FGFR2: variants seen among roughly 807,000 people sequenced by gnomAD.
The protein encoded by FGFR2 is BEK fibroblast growth factor receptor.
FGFR2 carries 19 observed loss-of-function variants against 95.9 expected under a neutral mutation model. The ratio of observed to expected loss-of-function variants is 0.20; its 90% CI spans 0.14 to 0.29. The LOEUF is 0.29. FGFR2 is among the 10% of genes least tolerant of loss of function. The probability of loss-of-function intolerance (pLI) is 1.00; values close to 1 mark genes in which losing one functional copy is unlikely to be tolerated. For missense variants in FGFR2, 707 were observed against 1,056.9 expected (o/e 0.67, Z 4.59); for synonymous variants, 392 against 393.3 (o/e 1.00, Z 0.04).
At chr10:121,597,796 C>A (rs763162095) in intron 1 of FGFR2, among the ~76,000 whole-genome samples, 166 bp downstream of exon 1, 1 of 152,216 alleles carries the variant, frequency 6.6e-6, no homozygotes, top group Non-Finnish European at 1.5e-5. Context: ...GCACCCACCT[C>A]CCCCATCACC....
chr10:121,594,124 G>A (rs1863095697), intron 1 of FGFR2, 157 bp from the exon 2 acceptor site: 1 of 516,560 alleles, frequency 1.9e-6, no homozygotes. Context: ...CAGAGTCCCA[G>A]GTGATACCAC....
At chr10:121,481,782 A>G in intron 17 of FGFR2, 1 of 224,672 alleles carries the variant, frequency 4.5e-6, no homozygotes, top group East Asian at 6.7e-5. Context: ...GAGCATAGAC[A>G]TGAGATCATT....
intron 2 of FGFR2, among the ~76,000 whole-genome samples, chr10:121,592,423 G>C (rs571724720): frequency 6.6e-6 from 1 of 152,216 alleles, no homozygotes; most frequent in East Asian, 1.9e-4. Flanking sequence ...TCCCAGAGAC[G>C]CAGGGAGATG....
intron 7 of FGFR2, among the ~76,000 whole-genome samples, chr10:121,519,054 T>C (rs975423553): frequency 5.9e-5 from 9 of 152,302 alleles, no homozygotes; most frequent in Admixed American, 5.2e-4. Flanking sequence ...ACTGGATAGG[T>C]CGGGTGGGTC....
At chr10:121,515,343 G>A (rs1379578865) in intron 8 of FGFR2, 24 bp from the exon 9 acceptor site, 7 of 1,609,986 alleles carry the variant, frequency 4.3e-6, no homozygotes, top group Admixed American at 1.7e-5. Flanking sequence ...CACAGGAGGA[G>A]GAACAGATAA....
At chr10:121,480,096 A>G (rs1844479915) in intron 17 of FGFR2, 75 bp from the exon 18 acceptor site, 1 of 1,357,208 alleles carries the variant, frequency 7.4e-7, no homozygotes, top group Non-Finnish European at 1.1e-6. Context: ...CGAGAGGCTG[A>G]CTGAGGTCCA....
Position 121,531,297 on chromosome 10 carries a change from T to A in FGFR2, c.748+7295A>T, listed in dbSNP as rs1316292454. 1 of 152,174 alleles carries A rather than the reference T, an allele frequency of 6.6e-6. No individual in the cohort carries two copies. The highest frequency in any genetic ancestry group is 2.4e-5 in the African/African-American group (1 of 41,448). The allele number at this position is 152,174 out of a possible 1,614,324, so 9.4% of individuals were successfully genotyped here. ...CCCAAAGGCTTCTTGCTGGGGTCAG[T>A]TCTGCGGGAGAGTCTGTATTTGCCA... On this transcript the variant is annotated intron_variant, in intron 6 of 17. Transcript: ENST00000358487. The surrounding 1 kb of genome is among the most constrained non-coding windows in gnomAD (Gnocchi z 4.5).
intron 17 of FGFR2, chr10:121,481,845 T>TA (rs1226924000): frequency 2.1e-5 from 4 of 188,792 alleles, no homozygotes; most frequent in Admixed American, 1.2e-4. Flanking sequence ...TTTTTATTTT[T>TA]TTTTTTTTTG....
At chr10:121,544,832 A>G (rs1183792803) in intron 5 of FGFR2, among the ~76,000 whole-genome samples, 1 of 152,204 alleles carries the variant, frequency 6.6e-6, no homozygotes, top group Admixed American at 6.5e-5. Context: ...TGCATATATT[A>G]CCACAATAAA....
Position 121,483,723 on chromosome 10 carries a change from C to A in FGFR2, c.2276G>T (p.Arg759Leu). The A allele has an allele frequency of 6.2e-7, 1 of 1,613,870 alleles. No individual in the cohort carries two copies. The highest frequency in any genetic ancestry group is 8.5e-7 in the Non-Finnish European group (1 of 1,179,930). The change falls in exon 17 of 18, where the codon CGA becomes CTA. Residue 759 changes from arginine to leucine, a missense_variant. Coordinates refer to ENST00000358487, the MANE Select transcript of FGFR2 (RefSeq NM_000141.5). ...TFKQLVEDLD[R>L]ILTLTTNEEY... ...CTCATTGGTTGTGAGAGTGAGAATT[C>A]GATCCAAGTCTTCTACCAACTGCTT...
intron 2 of FGFR2, among the ~76,000 whole-genome samples, chr10:121,592,760 G>C (rs1862849145): frequency 6.6e-6 from 1 of 152,192 alleles, no homozygotes; most frequent in African/African-American, 2.4e-5. Context: ...CACTCGGACT[G>C]CTGCGGGTTC....
At position 121,551,472 on chromosome 10, in the gene FGFR2, A is replaced by G. The variant is rs774349036; in HGVS notation, c.455-13T>C. 1.2e-6 allele frequency: 2 copies of G among 1,613,780 alleles called. No individual in the cohort carries two copies. Among genetic ancestry groups the G allele is most frequent in the South Asian group, 2.2e-5 (2 of 91,062 alleles). ...CAGTATGGTGCTCCTGTTTTGGAAA[A>G]CAGTATTAGAATGTATACTGATGGA... On this transcript the variant is annotated splice_polypyrimidine_tract_variant and intron_variant, in intron 4 of 17. Coordinates refer to ENST00000358487, the MANE Select transcript of FGFR2 (RefSeq NM_000141.5).
intron 4 of FGFR2, among the ~76,000 whole-genome samples, chr10:121,558,603 G>GT (rs200830608): frequency 0.038 from 5,578 of 147,978 alleles, 378 homozygotes; most frequent in African/African-American, 0.14. Flanking sequence ...AATAGATACA[G>GT]TTTTTTGTTT....
intron 2 of FGFR2, among the ~76,000 whole-genome samples, chr10:121,571,294 CTTTTTTTTTTT>C (rs35943673): frequency 2.5e-5 from 1 of 39,298 alleles, no homozygotes; most frequent in East Asian, 9.4e-4. Context: ...CGTGCCTGGC[CTTTTTTTTTTT>C]TTTTTTTTTT....
At chr10:121,576,613 G>C (rs1414498788) in intron 2 of FGFR2, among the ~76,000 whole-genome samples, 2 of 152,140 alleles carry the variant, frequency 1.3e-5, no homozygotes, top group Non-Finnish European at 2.9e-5. Context: ...AATGCATTGT[G>C]ATCTCCAGTC....
intron 16 of FGFR2, among the ~76,000 whole-genome samples, chr10:121,484,983 T>C (rs1022358168): frequency 1.3e-5 from 2 of 152,060 alleles, no homozygotes; most frequent in Non-Finnish European, 1.5e-5. Context: ...GGAAAGGCTG[T>C]GTTGGTTCCT....
intron 6 of FGFR2, among the ~76,000 whole-genome samples, chr10:121,524,146 A>C (rs12356416): frequency 0.43 from 58,309 of 134,932 alleles, 13,282 homozygotes; most frequent in East Asian, 0.7. Context: ...ACACACACAC[A>C]CCCCAAGTTT....
chr10:121,501,084 T>A (rs71640260), intron 10 of FGFR2, 137 bp from the exon 11 acceptor site: 10 of 1,205,686 alleles, frequency 8.3e-6, no homozygotes, highest in Middle Eastern at 1.9e-4. Flanking sequence ...TAATGAGACT[T>A]AGGGTACACA....
chr10:121,489,541 C>T (rs1845863111), intron 13 of FGFR2, among the ~76,000 whole-genome samples: 1 of 152,170 alleles, frequency 6.6e-6, no homozygotes, highest in Admixed American at 6.5e-5. Flanking sequence ...ATTCTAAACA[C>T]ATACAAAATA....
Sources: allele counts gnomAD v4.1 joint callset (sites outside exome capture counted in the v4.1 genomes callset), GRCh38; gene constraint gnomAD v4.1.1; non-coding constraint Gnocchi (gnomAD v3.1); transcripts MANE v1.5; gene names NCBI Gene and HGNC (gene_info 2026-07-23, HGNC 2026-07-21).